The following TIAM2 variants were observed in gnomAD, a reference collection of about 807,000 sequenced individuals.
TIAM2 encodes the protein rho guanine nucleotide exchange factor TIAM2.
Under a neutral mutation model 152.9 loss-of-function variants are expected in TIAM2, and 80 were observed. That is an observed-to-expected ratio of 0.52 (90% CI 0.44 to 0.63). The LOEUF is 0.63. Among genes scored for constraint, TIAM2 ranks in the 30% least tolerant of loss-of-function variants. The probability of loss-of-function intolerance (pLI) is 0.00; values close to 1 mark genes in which losing one functional copy is unlikely to be tolerated. For synonymous variants in TIAM2, 804 were observed against 838.0 expected, an observed-to-expected ratio of 0.96 and a Z score of 0.70; for missense variants, 1,965 against 2,120.1, an observed-to-expected ratio of 0.93 and a Z score of 1.44.
intron 6 of TIAM2, among the ~76,000 whole-genome samples, chr6:155,146,105 A>G (rs1779813308): frequency 6.6e-6 from 1 of 152,120 alleles, no homozygotes; most frequent in South Asian, 2.1e-4. Flanking sequence ...CTTAGTTTTG[A>G]GAGTTTTCCC....
chr6:155,150,030 A>T (rs1223490582), intron 7 of TIAM2, among the ~76,000 whole-genome samples: 1 of 152,048 alleles, frequency 6.6e-6, no homozygotes, highest in Non-Finnish European at 1.5e-5. Context: ...ATAATGTATC[A>T]ATTGGCAATA....
chr6:155,164,954 A>G (rs1780381826), intron 8 of TIAM2, among the ~76,000 whole-genome samples: 1 of 152,070 alleles, frequency 6.6e-6, no homozygotes, highest in Non-Finnish European at 1.5e-5. Context: ...TGTCCTGCAG[A>G]GCGCCCCATC....
intron 8 of TIAM2, 84 bp downstream of exon 8, chr6:155,164,684 A>T: frequency 6.7e-7 from 1 of 1,500,818 alleles, no homozygotes; most frequent in Non-Finnish European, 9.0e-7. Flanking sequence ...TGCCATCGGC[A>T]CTTGTGGGGC....
At chr6:155,128,158 T>A (rs1022750424) in intron 3 of TIAM2, among the ~76,000 whole-genome samples, 2 of 152,212 alleles carry the variant, frequency 1.3e-5, no homozygotes, top group Non-Finnish European at 2.9e-5. Context: ...ATTAAGTTTT[T>A]CTGATGCCCA....
chr6:155,165,803 A>G (rs2115102470), intron 9 of TIAM2, among the ~76,000 whole-genome samples: 1 of 152,100 alleles, frequency 6.6e-6, no homozygotes, highest in Non-Finnish European at 1.5e-5. Context: ...TAAAAATGAA[A>G]ATAAAAGTTG....
chr6:155,238,879 TGAAC>T (rs774341976), intron 15 of TIAM2, among the ~76,000 whole-genome samples: 20 of 152,330 alleles, frequency 1.3e-4, no homozygotes, highest in Admixed American at 4.6e-4. Context: ...ACCACTGAAT[TGAAC>T]TGAAAGACTA....
chr6:155,241,842 T>C (rs144898600), intron 16 of TIAM2, among the ~76,000 whole-genome samples: 147 of 152,340 alleles, frequency 9.6e-4, no homozygotes, highest in African/African-American at 3.4e-3. Flanking sequence ...GTCACCTTTT[T>C]CCAAGTCGCT....
intron 26 of TIAM2, chr6:155,255,969 C>A: frequency 5.3e-6 from 1 of 188,346 alleles, no homozygotes. Flanking sequence ...GAGATCACAC[C>A]ACTGCACTCC....
At chr6:155,051,627 C>G (rs1030831587) in intron 1 of TIAM2, among the ~76,000 whole-genome samples, 1 of 151,930 alleles carries the variant, frequency 6.6e-6, no homozygotes, top group Non-Finnish European at 1.5e-5. Context: ...ATAAAATGCT[C>G]TTTTGTTTGG....
At chr6:155,027,353 T>C (rs1359490895) in intron 1 of TIAM2, among the ~76,000 whole-genome samples, 1 of 139,906 alleles carries the variant, frequency 7.1e-6, no homozygotes, top group Non-Finnish European at 1.5e-5. Context: ...TATACTGTGT[T>C]ACATATATAC....
intron 2 of TIAM2, among the ~76,000 whole-genome samples, chr6:155,120,529 G>A (rs956907805): frequency 6.6e-5 from 10 of 152,192 alleles, no homozygotes; most frequent in African/African-American, 2.4e-4. Flanking sequence ...GACTCAGGAT[G>A]AGAGAAACAG....
At chr6:155,242,586 G>A (rs1176196262) in intron 16 of TIAM2, among the ~76,000 whole-genome samples, 1 of 152,180 alleles carries the variant, frequency 6.6e-6, no homozygotes, top group Non-Finnish European at 1.5e-5. Context: ...ATAAAGCTCT[G>A]GGTCTTAGGT....
intron 2 of TIAM2, among the ~76,000 whole-genome samples, chr6:155,103,654 G>A (rs981768663): frequency 4.7e-5 from 7 of 150,394 alleles, no homozygotes; most frequent in Admixed American, 1.3e-4. Context: ...AACCCAGGAG[G>A]CGGAGGTTGC....
intron 26 of TIAM2, chr6:155,256,163 C>CCAAT (rs1430271180): frequency 1.4e-5 from 7 of 507,132 alleles, no homozygotes; most frequent in African/African-American, 9.9e-5. Context: ...TTTATTATTA[C>CCAAT]CAATTAACTT....
intron 1 of TIAM2, among the ~76,000 whole-genome samples, chr6:155,046,686 A>G (rs1042440988): frequency 6.6e-6 from 1 of 152,008 alleles, no homozygotes; most frequent in Non-Finnish European, 1.5e-5. Context: ...GAACCTGCTC[A>G]CATACTGTTC....
intron 6 of TIAM2, among the ~76,000 whole-genome samples, chr6:155,146,347 C>T (rs1408234979): frequency 6.6e-6 from 1 of 152,152 alleles, no homozygotes; most frequent in East Asian, 1.9e-4. Flanking sequence ...TGCCACTGCA[C>T]TCCAGCCCAG....
chr6:155,254,104 G>A (rs748708940), intron 25 of TIAM2, 44 bp downstream of exon 25: 4 of 1,572,258 alleles, frequency 2.5e-6, no homozygotes, highest in Non-Finnish European at 2.6e-6. Flanking sequence ...AAATAACATA[G>A]AATTATGTCT....
rs56657909 is a variant in TIAM2 at position 155,173,199 on chromosome 6, G to GTGTCTGTCTGTC, written c.2362-3610_2362-3599dup. 1.4e-3 allele frequency among the ~76,000 whole-genome samples: 205 copies of GTGTCTGTCTGTC among 149,768 alleles called. 1 individual carries two copies. The highest frequency in any genetic ancestry group is 4.9e-3 in the African/African-American group (196 of 40,238). On this transcript the variant is annotated intron_variant, in intron 9 of 26. Coordinates refer to ENST00000682666, the MANE Select transcript of TIAM2 (RefSeq NM_012454.4). Reference sequence around the variant, plus strand: ...TGTGTGTGTGTGTGTGTGTGTGTGTGTGTCTGTCTGTCTGTCTGCCTAACA... The same window carrying GTGTCTGTCTGTC: ...TGTGTGTGTGTGTGTGTGTGTGTGTGTGTCTGTCTGTCTGTCTGTCTGTCTGTCTGCCTAACA...
chr6:155,048,550 A>G (rs1777253482), intron 1 of TIAM2, among the ~76,000 whole-genome samples: 2 of 127,680 alleles, frequency 1.6e-5, no homozygotes, highest in South Asian at 4.8e-4. Flanking sequence ...GAGCAAGAGA[A>G]GGGAGAATGG....
Sources: gnomAD v4.1 joint callset for allele counts (sites outside exome capture counted in the v4.1 genomes callset) on GRCh38, gnomAD v4.1.1 for gene constraint, MANE v1.5 for transcripts, NCBI Gene and HGNC (gene_info 2026-07-23, HGNC 2026-07-21) for gene names.